The following NALCN variants were observed in gnomAD, a reference collection of about 807,000 sequenced individuals.
The protein encoded by NALCN is sodium leak channel, non-selective.
NALCN carries 111 observed loss-of-function variants against 225.3 expected under a neutral mutation model. That is an observed-to-expected ratio of 0.49 (90% CI 0.42 to 0.58). The LOEUF (loss-of-function observed/expected upper bound fraction) is 0.58, where lower values mean the gene tolerates loss of function less well. Ranked by LOEUF, NALCN falls within the 20% of genes least tolerant of loss-of-function variation. The probability of loss-of-function intolerance (pLI) is 0.00; values close to 1 mark genes in which losing one functional copy is unlikely to be tolerated. For synonymous variants in NALCN, 764 were observed against 769.0 expected, an observed-to-expected ratio of 0.99 and a Z score of 0.11; for missense variants, 1,378 against 2,202.4, an observed-to-expected ratio of 0.63 and a Z score of 7.49.
At position 101,327,055 on chromosome 13, in the gene NALCN, G is replaced by T. The variant is rs139945349; in HGVS notation, c.799+18211C>A. ...TATCTCAAGGGGAAAGAAAGTTATA[G>T]GCATCAGATTTAAGGGGAGGAAAAA... On this transcript the variant is annotated intron_variant, in intron 7 of 43. Coordinates refer to ENST00000251127, the MANE Select transcript of NALCN (RefSeq NM_052867.4). 1.5e-3 allele frequency among the ~76,000 whole-genome samples: 226 copies of T among 152,194 alleles called. 1 individual carries two copies. The highest frequency in any genetic ancestry group is 2.6e-3 in the Non-Finnish European group (180 of 68,024).
intron 30 of NALCN, among the ~76,000 whole-genome samples, chr13:101,086,793 T>C (rs1449122466): frequency 6.6e-6 from 1 of 152,128 alleles, no homozygotes; most frequent in East Asian, 1.9e-4. Flanking sequence ...GATTTGGAAG[T>C]TCTATATCTT....
At chr13:101,167,715 GT>G (rs2038511887) in intron 15 of NALCN, among the ~76,000 whole-genome samples, 1 of 89,162 alleles carries the variant, frequency 1.1e-5, no homozygotes. Context: ...GTGCATGCCT[GT>G]AATCCCAGCT....
chr13:101,377,127 G>GGAAC, intron 4 of NALCN, 71 bp from the exon 5 acceptor site: 2 of 1,583,346 alleles, frequency 1.3e-6, no homozygotes, highest in Non-Finnish European at 1.7e-6. Context: ...GGAACATACA[G>GGAAC]ATGTTAGCAG....
Position 101,067,903 on chromosome 13 carries a change from A to C in NALCN, c.4446+15T>G, listed in dbSNP as rs78312347. The C allele has an allele frequency of 5.8e-6, 9 of 1,556,532 alleles. No homozygotes were observed. The highest frequency in any genetic ancestry group is 1.7e-4 in the Middle Eastern group (1 of 5,970). ...TCTTTGAGGTGAGGCATGAAACAAC[A>C]ACCCACTCCCATACCTCTCTTTTAT... On this transcript the variant is annotated intron_variant, in intron 39 of 43. Coordinates refer to ENST00000251127, the MANE Select transcript of NALCN (RefSeq NM_052867.4).
intron 10 of NALCN, among the ~76,000 whole-genome samples, chr13:101,273,224 G>A (rs1399818988): frequency 1.3e-5 from 2 of 152,332 alleles, no homozygotes; most frequent in Middle Eastern, 3.4e-3. Flanking sequence ...GCAGCAGCGG[G>A]AAAACGGCTT....
At chr13:101,248,365 G>A (rs563574181) in intron 11 of NALCN, among the ~76,000 whole-genome samples, 21 of 152,258 alleles carry the variant, frequency 1.4e-4, no homozygotes, top group African/African-American at 4.8e-4. Context: ...CTAAAAGCTG[G>A]TTCTTTGAAT....
intron 13 of NALCN, among the ~76,000 whole-genome samples, chr13:101,207,198 A>G (rs570815469): frequency 5.5e-4 from 84 of 152,364 alleles, no homozygotes; most frequent in Admixed American, 1.7e-3. Flanking sequence ...CAGAAAAGTT[A>G]CACAAATTTT....
At chr13:101,342,211 A>G (rs961743280) in intron 7 of NALCN, among the ~76,000 whole-genome samples, 1 of 152,176 alleles carries the variant, frequency 6.6e-6, no homozygotes, top group Non-Finnish European at 1.5e-5. Context: ...ACATAAATTA[A>G]TCACCTGGAG....
intron 14 of NALCN, among the ~76,000 whole-genome samples, chr13:101,186,718 A>C (rs1169149634): frequency 1.3e-5 from 2 of 152,232 alleles, no homozygotes; most frequent in Non-Finnish European, 2.9e-5. Flanking sequence ...GATAAATCAA[A>C]TAAATATTCT....
At chr13:101,274,381 T>C (rs1016034340) in intron 10 of NALCN, among the ~76,000 whole-genome samples, 2 of 152,220 alleles carry the variant, frequency 1.3e-5, no homozygotes, top group African/African-American at 4.8e-5. Flanking sequence ...GTGGACTGCC[T>C]GAGATGAAAT....
intron 1 of NALCN, among the ~76,000 whole-genome samples, chr13:101,401,535 A>G (rs1014879785): frequency 6.6e-6 from 1 of 152,248 alleles, no homozygotes; most frequent in African/African-American, 2.4e-5. Flanking sequence ...GACAATGGGC[A>G]TATGAATTCC....
Position 101,258,484 on chromosome 13 carries a change from C to T in NALCN, c.1225G>A (p.Glu409Lys), listed in dbSNP as rs2042313592. 6.2e-7 allele frequency: 1 copy of T among 1,614,172 alleles called. No homozygotes were observed. The highest frequency in any genetic ancestry group is 8.5e-7 in the Non-Finnish European group (1 of 1,180,028). ...TCGTCGTACTGCCTCCTGAAGTTTT[C>T]TCCTTTGTAGTAGTTGCTAGCCGCC... ...IVAASNYYKG[E>K]NFRRQYDEFY... Residue 409 changes from glutamate to lysine, a missense_variant, in exon 11 of 44, where the codon GAA becomes AAA. Physicochemically the swap from Glu to Lys is moderately conservative, Grantham distance 56. This residue lies in a region of NALCN where 144 missense variants were observed against 187.7 expected (regional missense o/e 0.77). Transcript: ENST00000251127.
In NALCN at chr13:101,055,116, A is replaced by G. The variant is rs889723120; in HGVS notation, c.*179T>C. On this transcript the variant is annotated 3_prime_UTR_variant, in exon 44 of 44. Coordinates refer to ENST00000251127, the MANE Select transcript of NALCN (RefSeq NM_052867.4). ...AAAATTTTTTTGAGCAATGATTGAT[A>G]GTAACCCATCATACATGCAGCTTAT... is the stretch of plus-strand genomic sequence containing the variant. 5.0e-6 allele frequency: 3 copies of G among 594,954 alleles called. No homozygotes were observed. Among genetic ancestry groups the G allele is most frequent in the Non-Finnish European group, 8.7e-6 (3 of 344,498 alleles). The allele number at this position is 594,954 out of a possible 1,614,324, so 36.9% of individuals were successfully genotyped here.
chr13:101,180,204 C>T (rs373446235), intron 14 of NALCN, among the ~76,000 whole-genome samples: 51 of 109,924 alleles, frequency 4.6e-4, no homozygotes, highest in South Asian at 1.0e-3. Context: ...TCCACCTGGT[C>T]TTTTTTTTTT....
At chr13:101,254,480 G>A (rs2042158737) in intron 11 of NALCN, among the ~76,000 whole-genome samples, 1 of 151,914 alleles carries the variant, frequency 6.6e-6, no homozygotes, top group South Asian at 2.1e-4. Context: ...CACTGATGGG[G>A]TCTATCTGGT....
At chr13:101,116,761 C>T (rs1264638249) in intron 18 of NALCN, among the ~76,000 whole-genome samples, 2 of 152,092 alleles carry the variant, frequency 1.3e-5, no homozygotes, top group African/African-American at 4.8e-5. Flanking sequence ...TCTTGAACTC[C>T]ACAAGTAATT....
At chr13:101,164,821 A>C (rs1031299156) in intron 15 of NALCN, among the ~76,000 whole-genome samples, 8 of 152,228 alleles carry the variant, frequency 5.3e-5, no homozygotes, top group Admixed American at 4.6e-4. Flanking sequence ...TAGCAGATCA[A>C]ATGCTCTATA....
At chr13:101,160,008 G>A (rs2038089203) in intron 15 of NALCN, among the ~76,000 whole-genome samples, 1 of 152,070 alleles carries the variant, frequency 6.6e-6, no homozygotes, top group Non-Finnish European at 1.5e-5. Context: ...AGGCTGAAGT[G>A]CAGCGGTGCG....
At chr13:101,249,940 A>G (rs2042013667) in intron 11 of NALCN, among the ~76,000 whole-genome samples, 1 of 152,156 alleles carries the variant, frequency 6.6e-6, no homozygotes, top group Non-Finnish European at 1.5e-5. Flanking sequence ...AGACGTGGAA[A>G]GACAAAACCT....
Sources: gnomAD v4.1 joint callset for allele counts (sites outside exome capture counted in the v4.1 genomes callset) on GRCh38, gnomAD v4.1.1 for gene constraint, gnomAD v4.1.1 regional missense constraint, MANE v1.5 for transcripts, NCBI Gene and HGNC (gene_info 2026-07-23, HGNC 2026-07-21) for gene names.